ST18: variants seen among roughly 807,000 people sequenced by gnomAD.
ST18 encodes the protein suppression of tumorigenicity 18 protein.
In ST18, 50 loss-of-function variants were observed where a neutral mutation model predicts 110.0. That is an observed-to-expected ratio of 0.45 (90% confidence interval 0.36 to 0.58). The LOEUF is 0.58. Among genes scored for constraint, ST18 ranks in the 20% least tolerant of loss-of-function variants. The probability of loss-of-function intolerance (pLI) is 0.00; values close to 1 mark genes in which losing one functional copy is unlikely to be tolerated. For synonymous variants in ST18, 461 were observed against 452.4 expected (o/e 1.02, Z -0.24); for missense variants, 1,306 against 1,280.1 (o/e 1.02, Z -0.31).
intron 13 of ST18, 82 bp downstream of exon 13, chr8:52,163,904 A>G (rs1017638159): frequency 1.2e-5 from 13 of 1,083,828 alleles, no homozygotes; most frequent in Middle Eastern, 2.5e-4. Flanking sequence ...GCCACAGAGA[A>G]CTGACTCATG....
intron 18 of ST18, 46 bp from the exon 19 acceptor site, chr8:52,136,704 C>G: frequency 6.6e-7 from 1 of 1,510,194 alleles, no homozygotes; most frequent in Non-Finnish European, 9.1e-7. Flanking sequence ...CTGACATATA[C>G]AAATCTGAGT....
chr8:52,177,189 C>T (rs961278775), intron 9 of ST18, among the ~76,000 whole-genome samples: 15 of 152,304 alleles, frequency 9.8e-5, no homozygotes, highest in Admixed American at 3.3e-4. Flanking sequence ...TCTGGTAGTA[C>T]TTTGCAAGCT....
chr8:52,225,196 C>T (rs2088846421), intron 3 of ST18, among the ~76,000 whole-genome samples: 1 of 152,148 alleles, frequency 6.6e-6, no homozygotes, highest in Non-Finnish European at 1.5e-5. Context: ...TTATGCAAGA[C>T]CTATATTTCT....
intron 2 of ST18, among the ~76,000 whole-genome samples, chr8:52,289,038 T>C (rs1196480919): frequency 6.6e-6 from 1 of 152,192 alleles, no homozygotes; most frequent in Non-Finnish European, 1.5e-5. Flanking sequence ...TCTGCACCTG[T>C]ACTGCAATGA....
At chr8:52,186,560 A>G (rs1405991596) in intron 8 of ST18, among the ~76,000 whole-genome samples, 1 of 152,236 alleles carries the variant, frequency 6.6e-6, no homozygotes, top group Admixed American at 6.5e-5. Context: ...TTCCATTCCT[A>G]AGTACACACC....
chr8:52,375,564 C>T (rs1226905567), intron 2 of ST18, among the ~76,000 whole-genome samples: 1 of 152,186 alleles, frequency 6.6e-6, no homozygotes, highest in Non-Finnish European at 1.5e-5. Flanking sequence ...CAATTCCCTT[C>T]ACTGGTTGCT....
intron 10 of ST18, among the ~76,000 whole-genome samples, chr8:52,168,568 C>G (rs755943627): frequency 2.0e-5 from 3 of 151,948 alleles, no homozygotes; most frequent in African/African-American, 4.8e-5. Context: ...AAGGATCCTT[C>G]GAGTCGTTCT....
intron 2 of ST18, among the ~76,000 whole-genome samples, chr8:52,288,710 A>AAAT (rs1481996896): frequency 6.6e-6 from 1 of 152,062 alleles, no homozygotes; most frequent in African/African-American, 2.4e-5. Context: ...TAAAAAAAAA[A>AAAT]AAATAAAAGG....
chr8:52,359,969 A>T (rs1301277194), intron 2 of ST18, among the ~76,000 whole-genome samples: 1 of 152,194 alleles, frequency 6.6e-6, no homozygotes, highest in Non-Finnish European at 1.5e-5. Flanking sequence ...CAAATAGCAA[A>T]CCAAATTCAC....
At chr8:52,390,732 T>C (rs949959610) in intron 2 of ST18, among the ~76,000 whole-genome samples, 3 of 152,112 alleles carry the variant, frequency 2.0e-5, no homozygotes, top group African/African-American at 7.2e-5. Context: ...CCCACACACA[T>C]GCCCACTGGG....
chr8:52,268,744 C>A (rs908618700), intron 2 of ST18, among the ~76,000 whole-genome samples: 1 of 152,136 alleles, frequency 6.6e-6, no homozygotes, highest in Non-Finnish European at 1.5e-5. Flanking sequence ...AACGCAGAGC[C>A]GAAATCCCTG....
chr8:52,236,078 T>C (rs1589067993), intron 2 of ST18, among the ~76,000 whole-genome samples: 1 of 152,038 alleles, frequency 6.6e-6, no homozygotes. Flanking sequence ...TGGTGGGAAG[T>C]AGAAAATAGC....
intron 8 of ST18, among the ~76,000 whole-genome samples, chr8:52,184,873 G>T (rs1045338947): frequency 1.2e-4 from 18 of 152,134 alleles, no homozygotes; most frequent in African/African-American, 4.1e-4. Flanking sequence ...TTCATAGCAG[G>T]TATTCCTACT....
intron 23 of ST18, among the ~76,000 whole-genome samples, chr8:52,120,762 T>G (rs528462412): frequency 6.6e-6 from 1 of 152,068 alleles, no homozygotes; most frequent in African/African-American, 2.4e-5. Flanking sequence ...GAGTAGCGGA[T>G]AGATTGGAGA....
Position 52,285,105 on chromosome 8 carries a change from A to AT in ST18, c.-464-55029dup, listed in dbSNP as rs1185226779. 3.9e-5 allele frequency among the ~76,000 whole-genome samples: 6 copies of AT among 152,210 alleles called. No homozygotes were observed. The East Asian group carries it at 1.2e-3, about 29-fold the overall frequency. ...TAGTTGTTTGTGGGTTGCTTCTGAGATTTTCCACAAGGACTAAAGCTGGAT... is the reference window on the plus strand; with the variant it reads ...TAGTTGTTTGTGGGTTGCTTCTGAGATTTTTCCACAAGGACTAAAGCTGGAT... On this transcript the variant is annotated intron_variant, in intron 2 of 25. Coordinates refer to ENST00000689386, the MANE Select transcript of ST18 (RefSeq NM_001352837.2).
chr8:52,163,813 G>A (rs142674600), intron 13 of ST18, among the ~76,000 whole-genome samples, 173 bp downstream of exon 13: 83 of 152,230 alleles, frequency 5.5e-4, no homozygotes, highest in Middle Eastern at 3.4e-3. Context: ...TTTCAGCAAC[G>A]ATGTCATTAA....
intron 8 of ST18, among the ~76,000 whole-genome samples, chr8:52,190,145 G>T (rs1157349844): frequency 6.6e-6 from 1 of 152,092 alleles, no homozygotes; most frequent in Non-Finnish European, 1.5e-5. Context: ...TCAAAACTTT[G>T]TTTCATGCAC....
chr8:52,351,540 C>G (rs1469673696), intron 2 of ST18, among the ~76,000 whole-genome samples: 1 of 152,202 alleles, frequency 6.6e-6, no homozygotes, highest in African/African-American at 2.4e-5. Context: ...CATGACATAA[C>G]AGCATCTTTT....
At chr8:52,185,782 C>T (rs1471845873) in intron 8 of ST18, among the ~76,000 whole-genome samples, 6 of 151,982 alleles carry the variant, frequency 3.9e-5, no homozygotes, top group African/African-American at 9.7e-5. Context: ...AGAAGGATGG[C>T]GAATTTGCAC....
Sources: allele counts gnomAD v4.1 joint callset (sites outside exome capture counted in the v4.1 genomes callset), GRCh38; gene constraint gnomAD v4.1.1; transcripts MANE v1.5; gene names NCBI Gene and HGNC (gene_info 2026-07-23, HGNC 2026-07-21).